The following ABI1 variants were observed in gnomAD, a reference collection of about 807,000 sequenced individuals.
ABI1 encodes Abelson interactor 1.
Under a neutral mutation model 54.6 loss-of-function variants are expected in ABI1, and 14 were observed. The ratio of observed to expected loss-of-function variants is 0.26; its 90% CI spans 0.17 to 0.40. The LOEUF (loss-of-function observed/expected upper bound fraction) is 0.40. Among genes scored for constraint, ABI1 ranks in the 10% least tolerant of loss-of-function variants. ABI1 has a pLI of 1.00. For missense variants in ABI1, 443 were observed against 598.3 expected, an observed-to-expected ratio of 0.74 and a Z score of 2.71; for synonymous variants, 194 against 209.3, an observed-to-expected ratio of 0.93 and a Z score of 0.63.
chr10:26,746,840 TGTGAA>T lies in ABI1; in HGVS notation c.*1725_*1729del. 2.7e-6 allele frequency: 1 copy of T among 368,978 alleles called. No individual in the cohort carries two copies. Among genetic ancestry groups the T allele is most frequent in the South Asian group, 3.0e-5 (1 of 33,362 alleles). The allele number at this position is 368,978 out of a possible 1,614,324, so 22.9% of individuals were successfully genotyped here. A position where few individuals can be genotyped will look rare whatever the true frequency, so the allele number is the denominator to read the frequency against. On this transcript the variant is annotated 3_prime_UTR_variant, in exon 11 of 11. Coordinates refer to ENST00000376140, the MANE Select transcript of ABI1 (RefSeq NM_001012750.3). ...ACCGTAGGAGTAAAGGTCAGAAAAATGTGAAGTCTGCATTGAAGTCCACATGAGTT... is the reference window on the plus strand; with the variant it reads ...ACCGTAGGAGTAAAGGTCAGAAAAATGTCTGCATTGAAGTCCACATGAGTT...
At chr10:26,832,354 G>C (rs1215816515) in intron 1 of ABI1, among the ~76,000 whole-genome samples, 4 of 152,054 alleles carry the variant, frequency 2.6e-5, no homozygotes, top group East Asian at 3.9e-4. Context: ...AGGCCAAGGC[G>C]GGCGGATCAC....
chr10:26,848,498 C>A (rs1427598700), intron 1 of ABI1, among the ~76,000 whole-genome samples: 1 of 150,786 alleles, frequency 6.6e-6, no homozygotes, highest in Non-Finnish European at 1.5e-5. Flanking sequence ...CTTTTAGCAG[C>A]AAATCAGTTT....
chr10:26,853,645 T>C (rs1224429763), intron 1 of ABI1, among the ~76,000 whole-genome samples: 1 of 151,728 alleles, frequency 6.6e-6, no homozygotes, highest in Non-Finnish European at 1.5e-5. Context: ...TTCACGCCAT[T>C]CAGCCGCCTC....
intron 2 of ABI1, among the ~76,000 whole-genome samples, chr10:26,798,494 A>G (rs562382034): frequency 4.7e-4 from 71 of 152,182 alleles, no homozygotes; most frequent in African/African-American, 1.7e-3. Context: ...AGGCAAGGGA[A>G]CAGATGCTCC....
At chr10:26,791,084 A>C (rs922685963) in intron 2 of ABI1, among the ~76,000 whole-genome samples, 1 of 151,630 alleles carries the variant, frequency 6.6e-6, no homozygotes, top group East Asian at 1.9e-4. Context: ...AAAAAAAAAA[A>C]AAAAAAACAG....
chr10:26,760,933 GTTTTT>G (rs573922166), intron 7 of ABI1, among the ~76,000 whole-genome samples: 6 of 127,950 alleles, frequency 4.7e-5, no homozygotes, highest in African/African-American at 1.7e-4. Context: ...GCCTTTAACT[GTTTTT>G]TTTTTAATTT....
At chr10:26,796,332 TAAC>T (rs1844163890) in intron 2 of ABI1, among the ~76,000 whole-genome samples, 1 of 152,216 alleles carries the variant, frequency 6.6e-6, no homozygotes, top group African/African-American at 2.4e-5. Context: ...CACCACATAA[TAAC>T]AATAGTTCCA....
At chr10:26,822,484 C>A (rs190233426) in intron 2 of ABI1, among the ~76,000 whole-genome samples, 2 of 151,986 alleles carry the variant, frequency 1.3e-5, no homozygotes, top group East Asian at 3.9e-4. Context: ...CATGTGAACA[C>A]ATAAACAAAA....
At chr10:26,853,167 G>A (rs1057020027) in intron 1 of ABI1, among the ~76,000 whole-genome samples, 15 of 147,048 alleles carry the variant, frequency 1.0e-4, no homozygotes, top group African/African-American at 3.8e-4. Flanking sequence ...CCCGGGAGGC[G>A]GAGCTTGCAG....
chr10:26,788,998 GAAAAA>G (rs943621367), intron 2 of ABI1: 50 of 138,184 alleles, frequency 3.6e-4, no homozygotes, highest in African/African-American at 1.3e-3. Flanking sequence ...ATTCATTTGA[GAAAAA>G]AAAAAAAGTG....
At chr10:26,805,891 T>C (rs1435806326) in intron 2 of ABI1, among the ~76,000 whole-genome samples, 1 of 152,188 alleles carries the variant, frequency 6.6e-6, no homozygotes, top group Non-Finnish European at 1.5e-5. Context: ...GCCTCAGCAA[T>C]GAAACCAAAT....
intron 3 of ABI1, among the ~76,000 whole-genome samples, chr10:26,775,297 C>A (rs937852755): frequency 7.2e-5 from 11 of 152,076 alleles, no homozygotes; most frequent in African/African-American, 2.4e-4. Context: ...AAACTATAGA[C>A]AAATATGCCA....
In ABI1 at chr10:26,810,816, T is replaced by TA. The variant is rs71834702; in HGVS notation, c.285+12321dup. ...GGAGAGTTTAGTACACCTGTTCTTT[T>TA]AAAAAAAAAAAAATTAACTGATACA... On this transcript the variant is annotated intron_variant, in intron 2 of 10. Transcript: ENST00000376140. Among the ~76,000 whole-genome samples, 191 of 146,668 alleles carry TA rather than the reference T, an allele frequency of 1.3e-3. 1 individual carries two copies. The highest frequency in any genetic ancestry group is 3.3e-3 in the African/African-American group (133 of 40,330).
intron 2 of ABI1, among the ~76,000 whole-genome samples, chr10:26,792,110 G>A (rs756984733): frequency 6.6e-6 from 1 of 152,166 alleles, no homozygotes. Flanking sequence ...AAAATGTTTA[G>A]TGCAAGGGAA....
chr10:26,767,906 C>A (rs559107593), intron 6 of ABI1, among the ~76,000 whole-genome samples: 1 of 151,782 alleles, frequency 6.6e-6, no homozygotes, highest in African/African-American at 2.4e-5. Context: ...ATTAGCCAGG[C>A]GTGGTGGCAT....
intron 1 of ABI1, among the ~76,000 whole-genome samples, chr10:26,827,658 T>A (rs890474541): frequency 6.6e-6 from 1 of 150,462 alleles, no homozygotes; most frequent in African/African-American, 2.5e-5. Context: ...AATGGAGTGA[T>A]CTCGGCTCAC....
chr10:26,836,311 C>G (rs927035608), intron 1 of ABI1, among the ~76,000 whole-genome samples: 1 of 152,024 alleles, frequency 6.6e-6, no homozygotes, highest in African/African-American at 2.4e-5. Flanking sequence ...CAGGGTTTCA[C>G]CATGTTAGCC....
At chr10:26,758,471 T>G (rs1479518795) in intron 8 of ABI1, among the ~76,000 whole-genome samples, 2 of 152,212 alleles carry the variant, frequency 1.3e-5, no homozygotes, top group Non-Finnish European at 2.9e-5. Context: ...TTTTAAACAC[T>G]GACTGCAATT....
intron 1 of ABI1, among the ~76,000 whole-genome samples, chr10:26,842,019 T>C (rs1447808181): frequency 1.3e-5 from 2 of 152,170 alleles, no homozygotes; most frequent in Non-Finnish European, 2.9e-5. Context: ...CTATTTTCCA[T>C]CATGGCTGTA....
Sources: gnomAD v4.1 joint callset for allele counts (sites outside exome capture counted in the v4.1 genomes callset) on GRCh38, gnomAD v4.1.1 for gene constraint, MANE v1.5 for transcripts, NCBI Gene and HGNC (gene_info 2026-07-23, HGNC 2026-07-21) for gene names.